CRB1: variants seen among roughly 807,000 people sequenced by gnomAD.
CRB1 encodes the protein protein crumbs homolog 1.
In CRB1, 83 loss-of-function variants were observed where a neutral mutation model predicts 120.0. That is an observed-to-expected ratio of 0.69 (90% CI 0.58 to 0.83). The LOEUF (loss-of-function observed/expected upper bound fraction) is 0.83, where lower values mean the gene tolerates loss of function less well. Ranked by LOEUF, CRB1 falls within the 40% of genes least tolerant of loss-of-function variation. The probability of loss-of-function intolerance (pLI) is 0.00; values close to 1 mark genes in which losing one functional copy is unlikely to be tolerated. For synonymous variants in CRB1, 625 were observed against 612.5 expected (o/e 1.02, Z -0.30); for missense variants, 1,699 against 1,687.6 (o/e 1.01, Z -0.12).
Position 197,435,139 on chromosome 1 carries a change from C to T in CRB1, c.3276C>T (p.Gly1092=), listed in dbSNP as rs550408313. The change falls in exon 9 of 12, where the codon GGC becomes GGT. Residue 1092 remains glycine, a synonymous_variant. Coordinates refer to ENST00000367400, the MANE Select transcript of CRB1 (RefSeq NM_201253.3). The stretch of plus-strand genomic sequence containing the variant: ...ACAGAGCTATTGACAATATAAAGGG[C>T]CTGCAAGGGTGTCTAAGTACAATAG... ...VGDRAIDNIK[G]LQGCLSTIEI... is the part of the protein sequence containing the mutation. 2 of 1,613,786 alleles carry T rather than the reference C, an allele frequency of 1.2e-6. No homozygotes were observed. The highest frequency in any genetic ancestry group is 2.2e-5 in the South Asian group (2 of 91,068).
At chr1:197,288,035 C>T (rs1292165201) in intron 1 of CRB1, among the ~76,000 whole-genome samples, 2 of 151,768 alleles carry the variant, frequency 1.3e-5, no homozygotes, top group Non-Finnish European at 2.9e-5. Flanking sequence ...GGCAACAGCA[C>T]AGGGAGAGGG....
intron 11 of CRB1, among the ~76,000 whole-genome samples, chr1:197,449,283 G>A (rs1325621634): frequency 6.6e-6 from 1 of 152,066 alleles, no homozygotes; most frequent in African/African-American, 2.4e-5. Flanking sequence ...ATTTTGGATT[G>A]CATCCTGGTC....
chr1:197,463,870 C>T (rs1376331766), intron 11 of CRB1, among the ~76,000 whole-genome samples: 1 of 152,126 alleles, frequency 6.6e-6, no homozygotes, highest in Non-Finnish European at 1.5e-5. Flanking sequence ...GGATCGAATG[C>T]TCAAAGAATC....
intron 5 of CRB1, among the ~76,000 whole-genome samples, chr1:197,361,453 C>T (rs748762355): frequency 7.2e-5 from 11 of 151,836 alleles, no homozygotes; most frequent in East Asian, 1.9e-4. Context: ...TACTTATTTT[C>T]GGCAATTTGT....
At chr1:197,303,602 TATC>T (rs1330254865) in intron 1 of CRB1, among the ~76,000 whole-genome samples, 3 of 152,038 alleles carry the variant, frequency 2.0e-5, no homozygotes, top group Non-Finnish European at 2.9e-5. Context: ...CAAAGTCAAA[TATC>T]ATGAAATTCA....
chr1:197,243,711 C>G, the CRB1 span, among the ~76,000 whole-genome samples: 2 of 152,080 alleles, frequency 1.3e-5, no homozygotes, highest in African/African-American at 4.8e-5. Flanking sequence ...GAACTGAGTT[C>G]AAGTCCTGAA....
chr1:197,416,412 T>C (rs892960859), intron 5 of CRB1, among the ~76,000 whole-genome samples: 1 of 152,242 alleles, frequency 6.6e-6, no homozygotes, highest in Non-Finnish European at 1.5e-5. Context: ...ACATACTATG[T>C]ACAATGCATT....
chr1:197,411,817 A>G (rs1663728367), intron 5 of CRB1, among the ~76,000 whole-genome samples: 1 of 152,166 alleles, frequency 6.6e-6, no homozygotes, highest in South Asian at 2.1e-4. Context: ...AGATTTTTTT[A>G]CATAGGCAAA....
intron 11 of CRB1, among the ~76,000 whole-genome samples, chr1:197,459,848 A>C (rs934613104): frequency 4.6e-5 from 7 of 152,124 alleles, no homozygotes; most frequent in Non-Finnish European, 4.4e-5. Flanking sequence ...TTATGTAGAC[A>C]GAAAGTTTTT....
At chr1:197,213,338 AAG>A in the CRB1 span, among the ~76,000 whole-genome samples, 1 of 152,180 alleles carries the variant, frequency 6.6e-6, no homozygotes, top group Non-Finnish European at 1.5e-5. Flanking sequence ...TGCAAGAAGA[AAG>A]AGTCACAAAA....
chr1:197,248,330 T>C, the CRB1 span, among the ~76,000 whole-genome samples: 2 of 151,944 alleles, frequency 1.3e-5, no homozygotes, highest in Non-Finnish European at 2.9e-5. Context: ...GGCTCTGGAG[T>C]CCGACGGGTC....
intron 1 of CRB1, among the ~76,000 whole-genome samples, chr1:197,296,866 C>T (rs766111644): frequency 3.3e-5 from 5 of 152,036 alleles, no homozygotes; most frequent in Non-Finnish European, 5.9e-5. Flanking sequence ...CCATGTAAGA[C>T]GTCCCTTTTG....
chr1:197,465,574 T>A (rs1271547206), intron 11 of CRB1, among the ~76,000 whole-genome samples: 5 of 152,162 alleles, frequency 3.3e-5, no homozygotes, highest in Non-Finnish European at 2.9e-5. Flanking sequence ...TTGCTTTGAG[T>A]TCATAGATTT....
intron 5 of CRB1, among the ~76,000 whole-genome samples, 159 bp from the exon 6 acceptor site, chr1:197,420,841 G>C (rs948308137): frequency 6.6e-6 from 1 of 152,150 alleles, no homozygotes; most frequent in Non-Finnish European, 1.5e-5. Flanking sequence ...ATATAGAATT[G>C]ATTTTACTTT....
At chr1:197,445,322 G>A (rs531684125) in intron 11 of CRB1, among the ~76,000 whole-genome samples, 1 of 152,024 alleles carries the variant, frequency 6.6e-6, no homozygotes, top group Non-Finnish European at 1.5e-5. Flanking sequence ...CTCCTTTTTT[G>A]TGTGCGTACG....
chr1:197,218,399 T>G, the CRB1 span, among the ~76,000 whole-genome samples: 3 of 152,180 alleles, frequency 2.0e-5, no homozygotes, highest in Non-Finnish European at 4.4e-5. Context: ...AAGTGCCTTT[T>G]TAGAGATTCT....
Position 197,427,934 on chromosome 1 carries a change from ACAATGCATCTCT to A in CRB1, c.2614_2625del (p.Ala872_Asn875del). The A allele has an allele frequency of 6.2e-7, 1 of 1,614,042 alleles. No homozygotes were observed. Among genetic ancestry groups the A allele is most frequent in the Non-Finnish European group, 8.5e-7 (1 of 1,179,990 alleles). On this transcript the variant is annotated inframe_deletion, in exon 7 of 12. Coordinates refer to ENST00000367400, the MANE Select transcript of CRB1 (RefSeq NM_201253.3). ...CTGGAATTCTTTCCAAATCCAACAA[ACAATGCATCTCT>A]CAATCCAGTTCTTGTCAATGTAACC...
intron 11 of CRB1, among the ~76,000 whole-genome samples, chr1:197,467,328 T>C (rs1009308681): frequency 2.7e-5 from 4 of 148,272 alleles, no homozygotes; most frequent in African/African-American, 1.0e-4. Context: ...ATACATGTAT[T>C]TTTTTTTTGC....
intron 11 of CRB1, among the ~76,000 whole-genome samples, chr1:197,452,102 A>G (rs1666002088): frequency 6.6e-6 from 1 of 152,254 alleles, no homozygotes; most frequent in Non-Finnish European, 1.5e-5. Flanking sequence ...TTCTTTATGT[A>G]TGAGATGAAG....
Sources: allele counts gnomAD v4.1 joint callset (sites outside exome capture counted in the v4.1 genomes callset), GRCh38; gene constraint gnomAD v4.1.1; transcripts MANE v1.5; gene names NCBI Gene and HGNC (gene_info 2026-07-23, HGNC 2026-07-21).